ZNF804A: variants seen among roughly 807,000 people sequenced by gnomAD.
ZNF804A encodes zinc finger protein 804A.
ZNF804A carries 2 observed loss-of-function variants against 16.5 expected under a neutral mutation model. That is an observed-to-expected ratio of 0.12 (90% CI 0.05 to 0.38). The LOEUF (loss-of-function observed/expected upper bound fraction) is 0.38, where lower values mean the gene tolerates loss of function less well. Ranked by LOEUF, ZNF804A falls within the 10% of genes least tolerant of loss-of-function variation. The probability of loss-of-function intolerance (pLI) is 0.99; values close to 1 mark genes in which losing one functional copy is unlikely to be tolerated. For missense variants in ZNF804A, 1,473 were observed against 1,390.7 expected (o/e 1.06, Z -0.94); for synonymous variants, 534 against 489.6 (o/e 1.09, Z -1.20).
intron 1 of ZNF804A, among the ~76,000 whole-genome samples, chr2:184,765,607 C>A (rs1038135938): frequency 7.6e-6 from 1 of 131,248 alleles, no homozygotes; most frequent in Non-Finnish European, 1.5e-5. Context: ...TCACATGCAC[C>A]CCCCCCCCTT....
In ZNF804A at chr2:184,936,493, C is replaced by G. The variant is rs1174054361; in HGVS notation, c.1097C>G (p.Ser366Cys). The change falls in exon 4 of 4, where the codon TCT (serine) becomes TGT (cysteine). Residue 366 changes from serine to cysteine, a missense_variant. Ser to Cys is a moderately radical substitution (Grantham distance 112). Transcript: ENST00000302277. ...AATAAATCCACAGTTCTTGACATGT[C>G]TAATGATTGCATATCTGTGCAAGCT... ...LGNKSTVLDM[S>C]NDCISVQATT... 1.2e-6 allele frequency: 2 copies of G among 1,613,758 alleles called. No individual in the cohort carries two copies. Among genetic ancestry groups the G allele is most frequent in the African/African-American group, 2.7e-5 (2 of 74,916 alleles).
chr2:184,700,619 G>A (rs986089069), intron 1 of ZNF804A, among the ~76,000 whole-genome samples: 1 of 151,980 alleles, frequency 6.6e-6, no homozygotes, highest in Non-Finnish European at 1.5e-5. Flanking sequence ...AGACAACCTT[G>A]AATGACAAAG....
intron 1 of ZNF804A, among the ~76,000 whole-genome samples, chr2:184,633,235 C>T (rs541334614): frequency 4.6e-5 from 7 of 152,162 alleles, no homozygotes; most frequent in Non-Finnish European, 5.9e-5. Context: ...TCTCTTAATT[C>T]TACTTTATGT....
At chr2:184,853,597 A>G (rs950820601) in intron 1 of ZNF804A, among the ~76,000 whole-genome samples, 4 of 151,764 alleles carry the variant, frequency 2.6e-5, no homozygotes, top group Non-Finnish European at 5.9e-5. Flanking sequence ...GAGAGCATTT[A>G]TCATGAGAGG....
chr2:184,717,360 T>C (rs1693231134), intron 1 of ZNF804A, among the ~76,000 whole-genome samples: 1 of 152,196 alleles, frequency 6.6e-6, no homozygotes, highest in African/African-American at 2.4e-5. Context: ...TGCTGTTGTT[T>C]TGTTGGTTTC....
chr2:184,809,368 A>G (rs1011012206), intron 1 of ZNF804A, among the ~76,000 whole-genome samples: 1 of 151,888 alleles, frequency 6.6e-6, no homozygotes, highest in African/African-American at 2.4e-5. Flanking sequence ...CATGTACTTA[A>G]TATTTCCTGA....
intron 1 of ZNF804A, among the ~76,000 whole-genome samples, chr2:184,769,361 T>C (rs1290949121): frequency 6.6e-6 from 1 of 152,106 alleles, no homozygotes; most frequent in East Asian, 1.9e-4. Flanking sequence ...GACATACCTA[T>C]GTATCATTTT....
intron 2 of ZNF804A, among the ~76,000 whole-genome samples, chr2:184,894,560 A>G (rs762716844): frequency 3.9e-5 from 6 of 152,010 alleles, no homozygotes; most frequent in Non-Finnish European, 8.8e-5. Context: ...AATCTAGATT[A>G]CACTTTTATT....
chr2:184,817,497 C>G (rs898405529), intron 1 of ZNF804A, among the ~76,000 whole-genome samples: 16 of 152,096 alleles, frequency 1.1e-4, no homozygotes, highest in Middle Eastern at 3.4e-3. Context: ...CAGAGTACCT[C>G]TCCTCCAAAT....
At chr2:184,668,215 T>A (rs1692281512) in intron 1 of ZNF804A, among the ~76,000 whole-genome samples, 1 of 151,904 alleles carries the variant, frequency 6.6e-6, no homozygotes, top group Non-Finnish European at 1.5e-5. Context: ...TGTTTTGATC[T>A]ATGTGTTCAA....
rs530371436 is a variant in ZNF804A at position 184,688,941 on chromosome 2, C to G, written c.111+89871C>G. On this transcript the variant is annotated intron_variant, in intron 1 of 3. Transcript: ENST00000302277. ...ATTTGTTTGGAGAGAAGTTATGGAT[C>G]TTTTATACCTAATAACCAACATGTT... Among the ~76,000 whole-genome samples, 14 of 152,220 alleles carry G rather than the reference C, an allele frequency of 9.2e-5. No homozygotes were observed. In the East Asian group the frequency reaches 2.7e-3, roughly 29 times the overall value.
At chr2:184,722,560 T>C (rs1693335136) in intron 1 of ZNF804A, among the ~76,000 whole-genome samples, 1 of 151,980 alleles carries the variant, frequency 6.6e-6, no homozygotes, top group South Asian at 2.1e-4. Flanking sequence ...AGAGTTACCT[T>C]CAGAGAACTT....
intron 1 of ZNF804A, among the ~76,000 whole-genome samples, chr2:184,806,507 C>T (rs1285545942): frequency 6.6e-6 from 1 of 151,594 alleles, no homozygotes; most frequent in Non-Finnish European, 1.5e-5. Context: ...TTGATCATCA[C>T]AATCAGGAAT....
chr2:184,904,104 A>T (rs1685231924), intron 2 of ZNF804A, among the ~76,000 whole-genome samples: 1 of 152,102 alleles, frequency 6.6e-6, no homozygotes, highest in African/African-American at 2.4e-5. Flanking sequence ...GAAGATTTTT[A>T]AAATTCAATT....
At position 184,829,911 on chromosome 2, in the gene ZNF804A, AAAAAAAAAAAACAAAAAC is replaced by A. The variant is rs1264888881; in HGVS notation, c.112-36446_112-36429del. 3.6e-4 allele frequency among the ~76,000 whole-genome samples: 41 copies of A among 112,504 alleles called. 1 individual carries two copies. Among genetic ancestry groups the A allele is most frequent in the African/African-American group, 6.9e-4 (12 of 17,296 alleles). 73.8% of individuals were successfully genotyped at this position (112,504 alleles called of 152,430 possible). A position where few individuals can be genotyped will look rare whatever the true frequency, so the allele number is the denominator to read the frequency against. The stretch of plus-strand genomic sequence containing the variant: ...ACCCTGTCTCTACCAAAAAAAAAAA[AAAAAAAAAAAACAAAAAC>A]AAAAAAAAAAAAACCACACACACAC... On this transcript the variant is annotated intron_variant, in intron 1 of 3. Transcript: ENST00000302277.
intron 1 of ZNF804A, among the ~76,000 whole-genome samples, chr2:184,655,361 G>A (rs1279356949): frequency 6.6e-6 from 1 of 152,146 alleles, no homozygotes; most frequent in Non-Finnish European, 1.5e-5. Context: ...ATGGAGGATA[G>A]AGTAGGGAAA....
intron 2 of ZNF804A, among the ~76,000 whole-genome samples, chr2:184,869,501 A>G (rs547768047): frequency 1.2e-4 from 19 of 152,154 alleles, no homozygotes; most frequent in East Asian, 5.8e-4. Flanking sequence ...CAAACGCCCA[A>G]TGAGCTCAAC....
intron 1 of ZNF804A, among the ~76,000 whole-genome samples, chr2:184,799,520 T>A (rs1694690919): frequency 6.6e-6 from 1 of 152,068 alleles, no homozygotes; most frequent in African/African-American, 2.4e-5. Context: ...GCAAGTATCT[T>A]CTACTTCTTC....
At chr2:184,874,129 T>A (rs1696017035) in intron 2 of ZNF804A, among the ~76,000 whole-genome samples, 1 of 152,122 alleles carries the variant, frequency 6.6e-6, no homozygotes, top group Non-Finnish European at 1.5e-5. Context: ...TTTATATTCT[T>A]CAAATTAAAG....
Sources: allele counts gnomAD v4.1 joint callset (sites outside exome capture counted in the v4.1 genomes callset), GRCh38; gene constraint gnomAD v4.1.1; transcripts MANE v1.5; gene names NCBI Gene and HGNC (gene_info 2026-07-23, HGNC 2026-07-21).